CYGB: variants seen among roughly 807,000 people sequenced by gnomAD.
CYGB encodes cytoglobin.
A neutral mutation model predicts 20.7 loss-of-function variants in CYGB; 13 were observed. The observed-to-expected ratio is 0.63, with a 90% CI of 0.41 to 1.00. The LOEUF (loss-of-function observed/expected upper bound fraction) is 1.00, where lower values mean the gene tolerates loss of function less well. CYGB is among the 50% of genes least tolerant of loss of function. The pLI is 0.00. For missense variants in CYGB, 218 were observed against 257.2 expected (o/e 0.85, Z 1.04); for synonymous variants, 93 against 107.4 (o/e 0.87, Z 0.83).
Position 76,528,566 on chromosome 17 carries a change from G to T in CYGB, c.*12C>A. The T allele has an allele frequency of 1.6e-6, 2 of 1,290,206 alleles. No individual in the cohort carries two copies. The highest frequency in any genetic ancestry group is 2.0e-6 in the Non-Finnish European group (2 of 1,011,194). 79.9% of individuals were successfully genotyped at this position (1,290,206 alleles called of 1,614,324 possible). On this transcript the variant is annotated 3_prime_UTR_variant, in exon 4 of 4. Coordinates refer to ENST00000293230, the MANE Select transcript of CYGB (RefSeq NM_134268.5). This position sits in a 1 kb window ranked among gnomAD's most constrained non-coding sequence, Gnocchi z 5.8. ...CGAGGTGCTGCCAGGGAGGGGGGTG[G>T]AGTTAGGGGTCCTACGGCCCCGAAG...
Position 76,537,443 on chromosome 17 carries a change from G to A in CYGB, c.100C>T (p.Leu34Phe). Residue 34 changes from leucine (L) to phenylalanine (F), a missense_variant, in exon 1 of 4, where the codon CTC becomes TTC. Physicochemically the swap from Leu to Phe is conservative, Grantham distance 22. This residue lies in a region of CYGB where 152 missense variants were observed against 149.9 expected (regional missense o/e 1.01). Coordinates refer to ENST00000293230, the MANE Select transcript of CYGB (RefSeq NM_134268.5). ...RKAVQAMWAR[L>F]YANCEDVGVA... ...CCCACGTCCTCGCAGTTGGCATAGA[G>A]CCGGGCCCACATAGCCTGCACCGCC... The A allele has an allele frequency of 6.3e-7, 1 of 1,599,018 alleles. No individual in the cohort carries two copies. The highest frequency in any genetic ancestry group is 1.1e-5 in the South Asian group (1 of 90,044).
At chr17:76,529,087 A>C in intron 3 of CYGB, 1 of 701,442 alleles carries the variant, frequency 1.4e-6, no homozygotes, top group Non-Finnish European at 1.7e-6. Context: ...CACACCCTGG[A>C]GCAGAGACGG....
intron 1 of CYGB, among the ~76,000 whole-genome samples, chr17:76,532,676 C>T (rs2074861239): frequency 6.6e-6 from 1 of 151,998 alleles, no homozygotes; most frequent in South Asian, 2.1e-4. Context: ...GGACTACAGG[C>T]ATCCATCACC....
At chr17:76,544,184 C>T (rs766888439) in intron 1 of CYGB, 34 of 454,536 alleles carry the variant, frequency 7.5e-5, no homozygotes, top group Admixed American at 2.6e-4. Flanking sequence ...AGCTATTAGT[C>T]TTCAAAAACC....
chr17:76,531,943 C>T lies in CYGB; in HGVS notation c.144-252G>A. On this transcript the variant is annotated intron_variant, in intron 1 of 3. Transcript: ENST00000293230. This position sits in a 1 kb window ranked among gnomAD's most constrained non-coding sequence, Gnocchi z 7.4. ...GCTGGCGGCTTCATCTCCTAGGCCT[C>T]TGTCTTCCTCGCTTCTTGCTTCCTT... The T allele has an allele frequency of 2.4e-6, 1 of 414,050 alleles. No individual in the cohort carries two copies. The highest frequency in any genetic ancestry group is 4.4e-6 in the Non-Finnish European group (1 of 227,264). 25.6% of individuals were successfully genotyped at this position (414,050 alleles called of 1,614,324 possible).
In CYGB at chr17:76,531,871, C is replaced by G. The variant is rs911913575; in HGVS notation, c.144-180G>C. 9 of 570,012 alleles carry G rather than the reference C, an allele frequency of 1.6e-5. No homozygotes were observed. The South Asian group carries it at 1.8e-4, about 11-fold the overall frequency. 35.3% of individuals were successfully genotyped at this position (570,012 alleles called of 1,614,324 possible). A position where few individuals can be genotyped will look rare whatever the true frequency, so the allele number is the denominator to read the frequency against. On this transcript the variant is annotated intron_variant, in intron 1 of 3. Transcript: ENST00000293230. This position sits in a 1 kb window ranked among gnomAD's most constrained non-coding sequence, Gnocchi z 7.4. ...ACCCTCCTCCCTCTGGCCAAGCCGGCTCACCCCTACCAAGTCTGGCCATGT... is the reference window on the plus strand; with the variant it reads ...ACCCTCCTCCCTCTGGCCAAGCCGGGTCACCCCTACCAAGTCTGGCCATGT...
intron 1 of CYGB, chr17:76,532,212 A>C: frequency 6.4e-6 from 1 of 155,890 alleles, no homozygotes. Context: ...ACTGTCCCCC[A>C]CCCGCTTCTT....
At chr17:76,540,483 TC>T (rs2074977960), upstream of CYGB, 1 of 1,612,878 alleles carries the variant, frequency 6.2e-7, no homozygotes, top group African/African-American at 1.3e-5. The surrounding 1 kb of genome is among the most constrained non-coding windows in gnomAD (Gnocchi z 5.0). Context: ...TAGCTCTTCC[TC>T]CCTACTCTTG....
chr17:76,532,844 A>G (rs2074864188), intron 1 of CYGB, among the ~76,000 whole-genome samples: 1 of 152,122 alleles, frequency 6.6e-6, no homozygotes, highest in African/African-American at 2.4e-5. Flanking sequence ...GCCGACAATG[A>G]CTTTTTCACC....
At chr17:76,539,636 T>G (rs2143136610), upstream of CYGB, among the ~76,000 whole-genome samples, 1 of 152,348 alleles carries the variant, frequency 6.6e-6, no homozygotes, top group East Asian at 1.9e-4. Flanking sequence ...TACTGGCAGA[T>G]GCTCCATGCT....
rs530069949 is a variant in CYGB at position 76,544,991 on chromosome 17, G to A, written c.-53+5871C>T. On this transcript the variant is annotated intron_variant, in intron 1 of 3. Coordinates refer to the CYGB transcript ENST00000589145. Reference sequence around the variant, plus strand: ...AAAAAGAGAGGAAGGGGCTGCTGGCGGCCAGCGGGGCTGTGGCTGCCTGGG... The same window carrying A: ...AAAAAGAGAGGAAGGGGCTGCTGGCAGCCAGCGGGGCTGTGGCTGCCTGGG... The A allele has an allele frequency of 2.2e-5, 10 of 456,430 alleles. No individual in the cohort carries two copies. The East Asian group carries it at 2.8e-4, about 13-fold the overall frequency. The allele number at this position is 456,430 out of a possible 1,614,324, so 28.3% of individuals were successfully genotyped here. A position where few individuals can be genotyped will look rare whatever the true frequency, so the allele number is the denominator to read the frequency against.
chr17:76,539,025 A>C (rs575145257), upstream of CYGB, among the ~76,000 whole-genome samples: 2 of 152,286 alleles, frequency 1.3e-5, no homozygotes, highest in South Asian at 4.1e-4. Flanking sequence ...CTGGGAGCTC[A>C]GGGTTCAGGT....
chr17:76,550,845 A>C (rs903947920), intron 1 of CYGB: 1 of 152,260 alleles, frequency 6.6e-6, no homozygotes, highest in African/African-American at 2.4e-5. Context: ...ACGAACTCCC[A>C]TTTATCAAGT....
In CYGB at chr17:76,531,426, C is replaced by T. The variant is rs376582417; in HGVS notation, c.375+34G>A. 39 of 1,588,280 alleles carry T rather than the reference C, an allele frequency of 2.5e-5. No individual in the cohort carries two copies. In the African/African-American group the frequency reaches 3.5e-4, roughly 14 times the overall value. Reference sequence around the variant, plus strand: ...GCTGCAGATGGCCATGACGCGTGGGCGGTGGGGGCTCTGCAGCAGATGGGG... The same window carrying T: ...GCTGCAGATGGCCATGACGCGTGGGTGGTGGGGGCTCTGCAGCAGATGGGG... On this transcript the variant is annotated intron_variant, in intron 2 of 3. Transcript: ENST00000293230. The surrounding 1 kb of genome is among the most constrained non-coding windows in gnomAD (Gnocchi z 7.4).
chr17:76,541,656 G>C (rs899882253), upstream of CYGB, among the ~76,000 whole-genome samples: 23 of 152,164 alleles, frequency 1.5e-4, no homozygotes, highest in Non-Finnish European at 1.9e-4. Flanking sequence ...AGGCCAGCTG[G>C]CATCATCATA....
In CYGB at chr17:76,528,400, G is replaced by A. The variant is rs1227430944; in HGVS notation, c.*178C>T. Reference sequence around the variant, plus strand: ...TGGGGTCAGCATCCAGGCAGCCAGCGCCGCCTCCCAGCAGCTCCAGGGGGG... The same window carrying A: ...TGGGGTCAGCATCCAGGCAGCCAGCACCGCCTCCCAGCAGCTCCAGGGGGG... On this transcript the variant is annotated 3_prime_UTR_variant, in exon 4 of 4. Transcript: ENST00000293230. This position sits in a 1 kb window ranked among gnomAD's most constrained non-coding sequence, Gnocchi z 5.8. 1.2e-5 allele frequency: 6 copies of A among 512,570 alleles called. No homozygotes were observed. The highest frequency in any genetic ancestry group is 4.4e-5 in the Admixed American group (1 of 22,852). 31.8% of individuals were successfully genotyped at this position (512,570 alleles called of 1,614,324 possible). A position where few individuals can be genotyped will look rare whatever the true frequency, so the allele number is the denominator to read the frequency against.
Position 76,528,942 on chromosome 17 carries a change from C to T in CYGB, c.540-331G>A. On this transcript the variant is annotated intron_variant, in intron 3 of 3. Transcript: ENST00000293230. This position sits in a 1 kb window ranked among gnomAD's most constrained non-coding sequence, Gnocchi z 5.8. ...AATGTGAGCTCTTTTTCCATTAATT[C>T]TGAAACGTGGCGCATTCTGTCCGGC... is the stretch of plus-strand genomic sequence containing the variant. 1.8e-6 allele frequency: 2 copies of T among 1,111,688 alleles called. No homozygotes were observed. Among genetic ancestry groups the T allele is most frequent in the African/African-American group, 3.2e-5 (2 of 61,724 alleles). 68.9% of individuals were successfully genotyped at this position (1,111,688 alleles called of 1,614,324 possible). A position where few individuals can be genotyped will look rare whatever the true frequency, so the allele number is the denominator to read the frequency against.
chr17:76,529,772 G>A (rs182440793), intron 3 of CYGB: 1 of 985,228 alleles, frequency 1.0e-6, no homozygotes, highest in Non-Finnish European at 1.2e-6. Context: ...GCCCTCCTCT[G>A]GTGGGCCAAC....
intron 1 of CYGB, among the ~76,000 whole-genome samples, chr17:76,536,619 C>T (rs1460026556): frequency 3.3e-5 from 5 of 152,230 alleles, no homozygotes; most frequent in East Asian, 1.9e-4. Flanking sequence ...GTGTGAAGAA[C>T]GGGGCGCTCT....
Sources: gnomAD v4.1 joint callset for allele counts (sites outside exome capture counted in the v4.1 genomes callset) on GRCh38, gnomAD v4.1.1 for gene constraint, gnomAD v4.1.1 regional missense constraint, Gnocchi (gnomAD v3.1) non-coding constraint, MANE v1.5 for transcripts, NCBI Gene and HGNC (gene_info 2026-07-23, HGNC 2026-07-21) for gene names.